SNTB2: variants seen among roughly 807,000 people sequenced by gnomAD.
The protein encoded by SNTB2 is beta-2-syntrophin.
In SNTB2, 34 loss-of-function variants were observed where a neutral mutation model predicts 46.2. That is an observed-to-expected ratio of 0.74 (90% CI 0.56 to 0.98). The LOEUF (loss-of-function observed/expected upper bound fraction) is 0.98, where lower values mean the gene tolerates loss of function less well. Ranked by LOEUF, SNTB2 falls within the 50% of genes least tolerant of loss-of-function variation. The pLI, the probability that SNTB2 is intolerant of heterozygous loss-of-function variation, is 0.00. For synonymous variants in SNTB2, 290 were observed against 312.6 expected (o/e 0.93, Z 0.76); for missense variants, 603 against 731.4 (o/e 0.82, Z 2.02).
In SNTB2 at chr16:69,245,630, T is replaced by A; in HGVS notation, c.609T>A (p.Tyr203Ter). Residue 203 changes from tyrosine (Y) to a stop codon, truncating the protein, a stop_gained, in exon 2 of 7, where the codon TAT (tyrosine) becomes TAA (stop). Coordinates refer to ENST00000336278, the MANE Select transcript of SNTB2 (RefSeq NM_006750.4). LOFTEE classifies it high-confidence loss of function. ...EVKFIREVTP[Y>*]IKKPSLVSDL... ...AGTTCATCCGAGAAGTAACACCATA[T>A]ATCAAGAAGCCATCATTAGTATCAG... 6.2e-7 allele frequency: 1 copy of A among 1,614,092 alleles called. No homozygotes were observed. Among genetic ancestry groups the A allele is most frequent in the Non-Finnish European group, 8.5e-7 (1 of 1,179,968 alleles).
intron 2 of SNTB2, among the ~76,000 whole-genome samples, chr16:69,256,851 T>A (rs1374268451): frequency 1.3e-5 from 2 of 152,154 alleles, no homozygotes; most frequent in African/African-American, 2.4e-5. Context: ...TGTTGAGAAT[T>A]CTAAATGATT....
chr16:69,255,836 C>A (rs1304455162), intron 2 of SNTB2, among the ~76,000 whole-genome samples: 2 of 149,198 alleles, frequency 1.3e-5, no homozygotes, highest in Non-Finnish European at 3.0e-5. Context: ...GAGACCGCGC[C>A]ATTGCACTCC....
chr16:69,280,487 G>C (rs1437445939), intron 4 of SNTB2, among the ~76,000 whole-genome samples: 5 of 149,416 alleles, frequency 3.3e-5, no homozygotes, highest in Admixed American at 2.7e-4. Flanking sequence ...GGCTGGGCGG[G>C]GGGCTGACCC....
At chr16:69,273,947 A>G (rs1363850922) in intron 4 of SNTB2, among the ~76,000 whole-genome samples, 4 of 152,170 alleles carry the variant, frequency 2.6e-5, no homozygotes, top group African/African-American at 9.7e-5. Context: ...GTAACTGCTC[A>G]AGTGTTAGCT....
At chr16:69,267,065 G>C (rs1377713532) in intron 3 of SNTB2, among the ~76,000 whole-genome samples, 2 of 148,654 alleles carry the variant, frequency 1.3e-5, no homozygotes, top group South Asian at 4.2e-4. Flanking sequence ...GTCTCGCTCT[G>C]TTTCCAGGCT....
intron 3 of SNTB2, among the ~76,000 whole-genome samples, chr16:69,264,326 T>A (rs1964865201): frequency 6.6e-6 from 1 of 152,098 alleles, no homozygotes; most frequent in African/African-American, 2.4e-5. Flanking sequence ...TGGCTCCAAG[T>A]AAAAGCACAG....
Position 69,307,908 on chromosome 16 carries a change from G to A in SNTB2, c.*6984G>A, listed in dbSNP as rs1396945982. ...AAGGGCACCTAAAGAAAATAAGGCT[G>A]ACTGAATGTTTTCCATAATTTTCAC... On this transcript the variant is annotated 3_prime_UTR_variant, in exon 7 of 7. Coordinates refer to ENST00000336278, the MANE Select transcript of SNTB2 (RefSeq NM_006750.4). 6.6e-6 allele frequency: 1 copy of A among 152,160 alleles called. No homozygotes were observed. The highest frequency in any genetic ancestry group is 2.4e-5 in the African/African-American group (1 of 41,424). The allele number at this position is 152,160 out of a possible 1,614,324, so 9.4% of individuals were successfully genotyped here.
intron 4 of SNTB2, among the ~76,000 whole-genome samples, chr16:69,280,479 C>A (rs930769679): frequency 6.7e-6 from 1 of 150,206 alleles, no homozygotes; most frequent in Non-Finnish European, 1.5e-5. Flanking sequence ...GGGCGGCTGG[C>A]TGGGCGGGGG....
rs115194303 is a variant in SNTB2 at position 69,235,126 on chromosome 16, C to T, written c.581-10476C>T. ...CCTGGTTTCAAGCAATGCTCTTTGC[C>T]TCAGCCTCCTGAGTAGCTGGGATTA... On this transcript the variant is annotated intron_variant, in intron 1 of 6. Coordinates refer to ENST00000336278, the MANE Select transcript of SNTB2 (RefSeq NM_006750.4). 7.6e-3 allele frequency among the ~76,000 whole-genome samples: 1,152 copies of T among 152,108 alleles called. 15 individuals are homozygous for T. The highest frequency in any genetic ancestry group is 0.025 in the African/African-American group (1,035 of 41,474).
chr16:69,197,368 A>G (rs1297788116), intron 1 of SNTB2, among the ~76,000 whole-genome samples: 1 of 152,148 alleles, frequency 6.6e-6, no homozygotes, highest in Non-Finnish European at 1.5e-5. Flanking sequence ...CTAGAGAGCA[A>G]AGACTGGAAC....
At position 69,299,783 on chromosome 16, in the gene SNTB2, G is replaced by A. The variant is rs1175592194; in HGVS notation, c.1530+9G>A. 3.1e-6 allele frequency: 5 copies of A among 1,612,244 alleles called. No homozygotes were observed. The South Asian group carries it at 5.5e-5, about 18-fold the overall frequency. On this transcript the variant is annotated intron_variant, in intron 6 of 6. Coordinates refer to ENST00000336278, the MANE Select transcript of SNTB2 (RefSeq NM_006750.4). The stretch of plus-strand genomic sequence containing the variant: ...GTCCCGAGGGAGAACTGGTAAGAGT[G>A]TTTCTGAAACACATGTTTATCTAAT...
chr16:69,187,773 G>GGGGGGGGGGGGGGGGGGGGC, intron 1 of SNTB2, 27 bp downstream of exon 1: 2 of 331,856 alleles, frequency 6.0e-6, no homozygotes, highest in South Asian at 2.4e-5. Context: ...GGGAGGGTGG[G>GGGGGGGGGGGGGGGGGGGGC]CAGGCCGCGG....
chr16:69,266,775 A>T (rs1410994365), intron 3 of SNTB2, among the ~76,000 whole-genome samples: 1 of 152,096 alleles, frequency 6.6e-6, no homozygotes. Flanking sequence ...GGAGTACAGT[A>T]GTACAATCTC....
At chr16:69,249,972 G>A (rs902244822) in intron 2 of SNTB2, among the ~76,000 whole-genome samples, 9 of 152,054 alleles carry the variant, frequency 5.9e-5, no homozygotes, top group Non-Finnish European at 1.0e-4. Flanking sequence ...GGTGGTGCAC[G>A]CCTGTAATCC....
intron 5 of SNTB2, among the ~76,000 whole-genome samples, chr16:69,288,707 G>C (rs1025907521): frequency 6.6e-6 from 1 of 152,158 alleles, no homozygotes; most frequent in African/African-American, 2.4e-5. Flanking sequence ...CAAAAGAAGA[G>C]AAATCAGCAT....
rs1194778671 is a variant in SNTB2 at position 69,263,930 on chromosome 16, G to A, written c.1005+3670G>A. Reference sequence around the variant, plus strand: ...CAGAGTCTCACTCTGTTGCAGTGGCGCAATCTCGGCTCACTGCAAGCTCCG... The same window carrying A: ...CAGAGTCTCACTCTGTTGCAGTGGCACAATCTCGGCTCACTGCAAGCTCCG... On this transcript the variant is annotated intron_variant, in intron 3 of 6. Transcript: ENST00000336278. Among the ~76,000 whole-genome samples the A allele has an allele frequency of 1.5e-4, 23 of 150,074 alleles. 1 individual carries two copies. Among genetic ancestry groups the A allele is most frequent in the African/African-American group, 3.7e-4 (15 of 40,694 alleles).
Position 69,245,645 on chromosome 16 carries a change from A to T in SNTB2, c.624A>T (p.Ser208=), listed in dbSNP as rs1964663319. 1.2e-6 allele frequency: 2 copies of T among 1,614,116 alleles called. No individual in the cohort carries two copies. The highest frequency in any genetic ancestry group is 1.7e-6 in the Non-Finnish European group (2 of 1,179,988). The change falls in exon 2 of 7, where the codon TCA becomes TCT. Residue 208 remains serine (S), a synonymous_variant. Coordinates refer to ENST00000336278, the MANE Select transcript of SNTB2 (RefSeq NM_006750.4). ...REVTPYIKKP[S]LVSDLPWEGA... ...TAACACCATATATCAAGAAGCCATC[A>T]TTAGTATCAGATCTGCCGTGGGAAG...
At position 69,302,994 on chromosome 16, in the gene SNTB2, G is replaced by T. The variant is rs1965288346; in HGVS notation, c.*2070G>T. The stretch of plus-strand genomic sequence containing the variant: ...TCCTAGGTTCAAGTGATTCTCCTGA[G>T]TAGCTGGGGTTATAGCTACCCACCA... On this transcript the variant is annotated 3_prime_UTR_variant, in exon 7 of 7. Coordinates refer to ENST00000336278, the MANE Select transcript of SNTB2 (RefSeq NM_006750.4). The T allele has an allele frequency of 6.6e-6, 1 of 152,048 alleles. No individual in the cohort carries two copies. 9.4% of individuals were successfully genotyped at this position (152,048 alleles called of 1,614,324 possible).
chr16:69,225,175 A>G (rs1447473195), intron 1 of SNTB2, among the ~76,000 whole-genome samples: 1 of 152,250 alleles, frequency 6.6e-6, no homozygotes, highest in Non-Finnish European at 1.5e-5. Context: ...AAAATTACCA[A>G]GTATTTAAAG....
Sources: gnomAD v4.1 joint callset for allele counts (sites outside exome capture counted in the v4.1 genomes callset) on GRCh38, gnomAD v4.1.1 for gene constraint, MANE v1.5 for transcripts, NCBI Gene and HGNC (gene_info 2026-07-23, HGNC 2026-07-21) for gene names.